The following MALRD1 variants were observed in gnomAD, a reference collection of about 807,000 sequenced individuals.
MALRD1 encodes the protein MAM and LDL-receptor class A domain-containing protein 1.
MALRD1 carries 247 observed loss-of-function variants against 242.1 expected under a neutral mutation model. That is an observed-to-expected ratio of 1.02 (90% confidence interval 0.92 to 1.13). MALRD1 has a LOEUF of 1.13. Among genes scored for constraint, MALRD1 ranks in the 50% most tolerant of loss-of-function variants. The pLI, the probability that MALRD1 is intolerant of heterozygous loss-of-function variation, is 0.00. For synonymous variants in MALRD1, 995 were observed against 866.6 expected (o/e 1.15, Z -2.60); for missense variants, 2,989 against 2,533.1 (o/e 1.18, Z -3.86).
At chr10:19,571,754 C>T (rs1836552298) in intron 33 of MALRD1, among the ~76,000 whole-genome samples, 1 of 152,062 alleles carries the variant, frequency 6.6e-6, no homozygotes. Flanking sequence ...GTGAAAAAGT[C>T]TATACCATTA....
intron 28 of MALRD1, among the ~76,000 whole-genome samples, chr10:19,438,364 A>G (rs1834444664): frequency 6.6e-6 from 1 of 152,204 alleles, no homozygotes; most frequent in Non-Finnish European, 1.5e-5. Flanking sequence ...TTATGTATAT[A>G]CCACATTACA....
chr10:19,596,757 A>AAGAAG (rs386370873), intron 34 of MALRD1, among the ~76,000 whole-genome samples: 1 of 151,454 alleles, frequency 6.6e-6, no homozygotes, highest in African/African-American at 2.4e-5. Context: ...AAGAAAAGAA[A>AAGAAG]AGAACGAAAG....
At position 19,331,617 on chromosome 10, in the gene MALRD1, T is replaced by C. The variant is rs183239780; in HGVS notation, c.3901+35T>C. 8.6e-5 allele frequency: 129 copies of C among 1,504,330 alleles called. No individual in the cohort carries two copies. In the African/African-American group the frequency reaches 1.6e-3, roughly 19 times the overall value. The allele number at this position is 1,504,330 out of a possible 1,614,324, so 93.2% of individuals were successfully genotyped here. On this transcript the variant is annotated intron_variant, in intron 24 of 39. Transcript: ENST00000454679. ...AGGGTTCTGTTTTCTTACTTTTGCC[T>C]TCAACTCCCACAGCCTTACTCAATA...
chr10:19,459,977 G>T (rs1047319536), intron 29 of MALRD1, among the ~76,000 whole-genome samples: 1 of 152,078 alleles, frequency 6.6e-6, no homozygotes, highest in South Asian at 2.1e-4. Flanking sequence ...ATTATCCTCA[G>T]TTCATGTAAT....
chr10:19,425,557 T>G (rs541731225), intron 28 of MALRD1, among the ~76,000 whole-genome samples: 1 of 152,072 alleles, frequency 6.6e-6, no homozygotes, highest in Admixed American at 6.6e-5. Flanking sequence ...AAGTGTGCAT[T>G]ACAGGGAGGA....
chr10:19,347,485 A>G (rs573749757), intron 24 of MALRD1, among the ~76,000 whole-genome samples: 1 of 152,296 alleles, frequency 6.6e-6, no homozygotes, highest in East Asian at 1.9e-4. Flanking sequence ...TAAATAAATT[A>G]TATTGACCAA....
intron 19 of MALRD1, among the ~76,000 whole-genome samples, chr10:19,267,939 C>T (rs912796130): frequency 1.3e-5 from 2 of 152,006 alleles, no homozygotes; most frequent in Non-Finnish European, 2.9e-5. Flanking sequence ...CCAAAGTCTG[C>T]GATATGTTCA....
Position 19,186,822 on chromosome 10 carries a change from T to G in MALRD1, c.1951+11494T>G, listed in dbSNP as rs146779594. 8.8e-4 allele frequency among the ~76,000 whole-genome samples: 134 copies of G among 152,300 alleles called. No individual in the cohort carries two copies. The Middle Eastern group carries it at 0.014, about 15-fold the overall frequency. Reference sequence around the variant, plus strand: ...GCTGAAACTATTCAGTTCTTCTCTTTTCTCACATGCCACTACTCTTGTTCA... The same window carrying G: ...GCTGAAACTATTCAGTTCTTCTCTTGTCTCACATGCCACTACTCTTGTTCA... On this transcript the variant is annotated intron_variant, in intron 14 of 39. Coordinates refer to ENST00000454679, the MANE Select transcript of MALRD1 (RefSeq NM_001142308.3).
At chr10:19,686,937 C>A (rs72782176) in intron 36 of MALRD1, among the ~76,000 whole-genome samples, 11 of 151,840 alleles carry the variant, frequency 7.2e-5, no homozygotes, top group Admixed American at 5.2e-4. Context: ...ATGTAGAGCC[C>A]CATAAAAGCT....
At chr10:19,282,115 T>A (rs200889363) in intron 20 of MALRD1, among the ~76,000 whole-genome samples, 25,273 of 152,034 alleles carry the variant, frequency 0.17, 2,471 homozygotes, top group Admixed American at 0.28. Flanking sequence ...TGTTATATTT[T>A]CCGATAGTTC....
chr10:19,098,270 A>C (rs997788798), intron 4 of MALRD1, among the ~76,000 whole-genome samples: 2 of 152,218 alleles, frequency 1.3e-5, no homozygotes, highest in Non-Finnish European at 2.9e-5. Context: ...CTAAATGAAC[A>C]ATCAGTGCCT....
intron 31 of MALRD1, among the ~76,000 whole-genome samples, chr10:19,504,613 A>G (rs1208585588): frequency 6.6e-6 from 1 of 150,706 alleles, no homozygotes; most frequent in East Asian, 2.0e-4. Context: ...ACACTCATAC[A>G]CAGACACACA....
intron 36 of MALRD1, among the ~76,000 whole-genome samples, chr10:19,686,804 C>T (rs947997694): frequency 6.6e-6 from 1 of 151,956 alleles, no homozygotes; most frequent in Non-Finnish European, 1.5e-5. Context: ...AATTTGAAGG[C>T]GGCAACCACA....
intron 28 of MALRD1, among the ~76,000 whole-genome samples, chr10:19,428,902 A>G (rs1310606856): frequency 6.6e-6 from 1 of 152,064 alleles, no homozygotes; most frequent in East Asian, 1.9e-4. Context: ...AAAAATTGTA[A>G]CTCACTTGCC....
intron 28 of MALRD1, among the ~76,000 whole-genome samples, chr10:19,418,573 G>A (rs1833598964): frequency 1.3e-5 from 2 of 152,014 alleles, no homozygotes; most frequent in Admixed American, 1.3e-4. Flanking sequence ...TAATTTCAGG[G>A]TGGATGCTAC....
At chr10:19,547,923 C>T (rs1835311984) in intron 32 of MALRD1, among the ~76,000 whole-genome samples, 1 of 131,014 alleles carries the variant, frequency 7.6e-6, no homozygotes, top group Non-Finnish European at 1.6e-5. Flanking sequence ...ACAACTTGTG[C>T]TCGCTTTGTG....
intron 21 of MALRD1, among the ~76,000 whole-genome samples, chr10:19,289,371 G>A (rs1588858916): frequency 6.6e-6 from 1 of 152,230 alleles, no homozygotes; most frequent in South Asian, 2.1e-4. Context: ...TCAAGTGTCT[G>A]GTGCATAATA....
intron 26 of MALRD1, among the ~76,000 whole-genome samples, chr10:19,377,620 A>G (rs1181958772): frequency 1.4e-5 from 2 of 145,092 alleles, no homozygotes; most frequent in Non-Finnish European, 3.0e-5. Flanking sequence ...ACTGAAAAGT[A>G]TAAGTCTCAG....
rs1227876670 is a variant in MALRD1, at chr10:19,093,865, G to C, written c.597+5680G>C. On this transcript the variant is annotated intron_variant, in intron 4 of 39. Coordinates refer to ENST00000454679, the MANE Select transcript of MALRD1 (RefSeq NM_001142308.3). Reference sequence around the variant, plus strand: ...ATACCCTGCCGTGTGAGGTGTCAGTGTGCCCCTGCTGGGGGGGTGCCTCCC... The same window carrying C: ...ATACCCTGCCGTGTGAGGTGTCAGTCTGCCCCTGCTGGGGGGGTGCCTCCC... Among the ~76,000 whole-genome samples, 17 of 92,706 alleles carry C rather than the reference G, an allele frequency of 1.8e-4. 5 individuals carry two copies. Among genetic ancestry groups the C allele is most frequent in the South Asian group, 7.7e-4 (2 of 2,592 alleles). The allele number at this position is 92,706 out of a possible 152,430, so 60.8% of individuals were successfully genotyped here.
Sources: gnomAD v4.1 joint callset for allele counts (sites outside exome capture counted in the v4.1 genomes callset) on GRCh38, gnomAD v4.1.1 for gene constraint, MANE v1.5 for transcripts, NCBI Gene and HGNC (gene_info 2026-07-23, HGNC 2026-07-21) for gene names.